Variants in TEC observed in about 807,000 individuals in gnomAD.
TEC encodes tyrosine-protein kinase Tec.
A neutral mutation model predicts 93.0 loss-of-function variants in TEC; 72 were observed. That is an observed-to-expected ratio of 0.77 (90% CI 0.64 to 0.94). TEC has a LOEUF of 0.94. Ranked by LOEUF, TEC falls within the 40% of genes least tolerant of loss-of-function variation. TEC has a pLI of 0.00. For synonymous variants in TEC, 249 were observed against 247.7 expected (o/e 1.01, Z -0.05); for missense variants, 630 against 757.9 (o/e 0.83, Z 1.98).
At chr4:48,195,745 C>A (rs988878112) in intron 2 of TEC, among the ~76,000 whole-genome samples, 6 of 152,242 alleles carry the variant, frequency 3.9e-5, no homozygotes, top group African/African-American at 1.2e-4. Flanking sequence ...CTGGCTATCA[C>A]AGCTAGGAGC....
At position 48,230,693 on chromosome 4, in the gene TEC, G is replaced by A. The variant is rs17471321; in HGVS notation, c.-45-2034C>T. On this transcript the variant is annotated intron_variant, in intron 1 of 17. Coordinates refer to ENST00000381501, the MANE Select transcript of TEC (RefSeq NM_003215.3). ...AAGCTAAAATTCCTTAGTCTGACACGAGAGACTGTCCACATTCTGGCTGCA... is the reference window on the plus strand; with the variant it reads ...AAGCTAAAATTCCTTAGTCTGACACAAGAGACTGTCCACATTCTGGCTGCA... 1.2e-4 allele frequency among the ~76,000 whole-genome samples: 18 copies of A among 152,128 alleles called. 1 individual carries two copies. Among genetic ancestry groups the A allele is most frequent in the African/African-American group, 4.3e-4 (18 of 41,486 alleles).
chr4:48,160,234 T>C (rs1251919736), intron 8 of TEC, among the ~76,000 whole-genome samples: 1 of 152,192 alleles, frequency 6.6e-6, no homozygotes, highest in East Asian at 1.9e-4. Context: ...TCTCAAAGCC[T>C]GTGCAGTGCT....
chr4:48,156,625 G>A (rs1720413857), intron 9 of TEC, 55 bp downstream of exon 9: 1 of 1,473,844 alleles, frequency 6.8e-7, no homozygotes, highest in Non-Finnish European at 9.3e-7. Flanking sequence ...TACTTATTAT[G>A]GACTCATTAA....
At chr4:48,256,268 C>T (rs1395002847) in intron 1 of TEC, among the ~76,000 whole-genome samples, 1 of 151,954 alleles carries the variant, frequency 6.6e-6, no homozygotes, top group East Asian at 1.9e-4. Context: ...GGGCTACAAT[C>T]CACCGCCCAC....
chr4:48,221,144 T>C (rs1204791067), intron 2 of TEC, among the ~76,000 whole-genome samples: 1 of 152,182 alleles, frequency 6.6e-6, no homozygotes, highest in African/African-American at 2.4e-5. Context: ...CAGGGTGAGG[T>C]CCAGAAGGGT....
chr4:48,243,898 A>T (rs952017387), intron 1 of TEC, among the ~76,000 whole-genome samples: 1 of 152,056 alleles, frequency 6.6e-6, no homozygotes, highest in Middle Eastern at 3.4e-3. Context: ...GCAAACCAAC[A>T]TGACACATGT....
intron 9 of TEC, among the ~76,000 whole-genome samples, chr4:48,156,233 G>T (rs937056366): frequency 4.6e-5 from 7 of 152,124 alleles, no homozygotes; most frequent in East Asian, 1.9e-4. Flanking sequence ...AAGTGAAACC[G>T]CAATGATGAC....
intron 1 of TEC, among the ~76,000 whole-genome samples, chr4:48,242,109 T>C (rs991232102): frequency 1.3e-5 from 2 of 152,244 alleles, no homozygotes; most frequent in Non-Finnish European, 2.9e-5. Context: ...AATAAGTCAA[T>C]GTCCAATTTC....
chr4:48,247,090 T>C (rs1272199764), intron 1 of TEC, among the ~76,000 whole-genome samples: 1 of 152,072 alleles, frequency 6.6e-6, no homozygotes, highest in African/African-American at 2.4e-5. Flanking sequence ...AGGATTTGAA[T>C]AGACATTTCT....
intron 2 of TEC, among the ~76,000 whole-genome samples, chr4:48,209,976 A>G (rs554954667): frequency 6.6e-6 from 1 of 152,362 alleles, no homozygotes; most frequent in East Asian, 1.9e-4. Flanking sequence ...TGTGCTCTAC[A>G]GAGGCAGATC....
intron 2 of TEC, among the ~76,000 whole-genome samples, chr4:48,206,585 G>A (rs1722722695): frequency 6.6e-6 from 1 of 152,030 alleles, no homozygotes; most frequent in Non-Finnish European, 1.5e-5. Context: ...AGAAATGCAA[G>A]TTAAAAATAT....
chr4:48,222,700 C>T (rs34585972), intron 2 of TEC, among the ~76,000 whole-genome samples: 13,474 of 151,990 alleles, frequency 0.089, 725 homozygotes, highest in East Asian at 0.21. Context: ...TGGGCTGAAA[C>T]ATCCCATCTC....
chr4:48,162,955 C>T (rs185207970), intron 8 of TEC, among the ~76,000 whole-genome samples: 2 of 152,120 alleles, frequency 1.3e-5, no homozygotes, highest in Non-Finnish European at 2.9e-5. Flanking sequence ...TGTTCACGTA[C>T]AGCCTGTAGC....
At chr4:48,164,732 T>G (rs1577713657) in intron 7 of TEC, among the ~76,000 whole-genome samples, 1 of 152,142 alleles carries the variant, frequency 6.6e-6, no homozygotes, top group African/African-American at 2.4e-5. Flanking sequence ...CCAGGTGCAG[T>G]GGCTCACGCC....
Position 48,169,896 on chromosome 4 carries a change from TG to T in TEC, c.454+351del, listed in dbSNP as rs1721031749. On this transcript the variant is annotated intron_variant, in intron 5 of 17. Coordinates refer to ENST00000381501, the MANE Select transcript of TEC (RefSeq NM_003215.3). ...AAAATGAGAACAGCCCTAATCAGAC[TG>T]TGGATGCACTGCTACATGAGGTTTC... Among the ~76,000 whole-genome samples the T allele has an allele frequency of 2.0e-5, 3 of 152,244 alleles. No homozygotes were observed. In the South Asian group the frequency reaches 6.2e-4, roughly 32 times the overall value.
At chr4:48,151,340 AT>A (rs1182012594) in intron 9 of TEC, among the ~76,000 whole-genome samples, 1 of 152,170 alleles carries the variant, frequency 6.6e-6, no homozygotes, top group East Asian at 1.9e-4. Flanking sequence ...CATTTCATAC[AT>A]TTTTTGTATT....
intron 2 of TEC, among the ~76,000 whole-genome samples, chr4:48,193,162 AT>A (rs71654900): frequency 0.57 from 83,391 of 146,670 alleles, 23,485 homozygotes; most frequent in Admixed American, 0.64. Context: ...TTTTTTTCTG[AT>A]TTTTTTTTTT....
chr4:48,196,465 A>T (rs2109589018), intron 2 of TEC, among the ~76,000 whole-genome samples: 1 of 152,366 alleles, frequency 6.6e-6, no homozygotes, highest in South Asian at 2.1e-4. Flanking sequence ...TAAGAATTCG[A>T]AGAGTCAATT....
intron 11 of TEC, among the ~76,000 whole-genome samples, chr4:48,149,026 T>G (rs1185018322): frequency 6.6e-6 from 1 of 152,204 alleles, no homozygotes; most frequent in Non-Finnish European, 1.5e-5. Context: ...TACGGCTTCA[T>G]AGATTCCATG....
Sources: allele counts gnomAD v4.1 joint callset (sites outside exome capture counted in the v4.1 genomes callset), GRCh38; gene constraint gnomAD v4.1.1; transcripts MANE v1.5; gene names NCBI Gene and HGNC (gene_info 2026-07-23, HGNC 2026-07-21).